The following ELAPOR1 variants were observed in gnomAD, a reference collection of about 807,000 sequenced individuals.
ELAPOR1 encodes endosome/lysosome-associated apoptosis and autophagy regulator 1.
A neutral mutation model predicts 119.7 loss-of-function variants in ELAPOR1; 77 were observed. The observed-to-expected ratio is 0.64, with a 90% CI of 0.54 to 0.78. The LOEUF (loss-of-function observed/expected upper bound fraction) is 0.78, where lower values mean the gene tolerates loss of function less well. Among genes scored for constraint, ELAPOR1 ranks in the 30% least tolerant of loss-of-function variants. ELAPOR1 has a pLI of 0.00. For synonymous variants in ELAPOR1, 481 were observed against 487.2 expected (o/e 0.99, Z 0.17); for missense variants, 1,115 against 1,270.4 (o/e 0.88, Z 1.86).
intron 18 of ELAPOR1, among the ~76,000 whole-genome samples, chr1:109,199,118 T>G (rs1385287580): frequency 2.6e-5 from 4 of 152,188 alleles, no homozygotes; most frequent in African/African-American, 9.7e-5. Context: ...CTCTGGCTAT[T>G]ATGAGGATTA....
intron 21 of ELAPOR1, chr1:109,201,455 T>A (rs746090869): frequency 1.6e-5 from 7 of 431,868 alleles, no homozygotes; most frequent in African/African-American, 1.4e-4. Flanking sequence ...CAGACAATAC[T>A]GTCACTGGGT....
At chr1:109,132,174 A>G (rs542739947) in intron 1 of ELAPOR1, among the ~76,000 whole-genome samples, 1 of 152,058 alleles carries the variant, frequency 6.6e-6, no homozygotes, top group Non-Finnish European at 1.5e-5. Context: ...TTGAGACTGA[A>G]TCTTGCTCTG....
chr1:109,132,047 G>C (rs890027993), intron 1 of ELAPOR1, among the ~76,000 whole-genome samples: 4 of 152,188 alleles, frequency 2.6e-5, no homozygotes, highest in African/African-American at 2.4e-5. Context: ...GGAGTGATAT[G>C]CTTAGATACT....
At chr1:109,160,077 T>G (rs72701022) in intron 1 of ELAPOR1, among the ~76,000 whole-genome samples, 6,057 of 152,276 alleles carry the variant, frequency 0.04, 190 homozygotes, top group Non-Finnish European at 0.063. Flanking sequence ...ATTCCCATCC[T>G]GATGTTCTTT....
At chr1:109,128,711 C>T (rs1648953490) in intron 1 of ELAPOR1, among the ~76,000 whole-genome samples, 1 of 152,194 alleles carries the variant, frequency 6.6e-6, no homozygotes, top group South Asian at 2.1e-4. Flanking sequence ...AGTTGTTAAG[C>T]AGTTGTTGAA....
chr1:109,194,710 C>CTG, intron 15 of ELAPOR1, 116 bp downstream of exon 15: 1 of 881,620 alleles, frequency 1.1e-6, no homozygotes. Context: ...GGTTGAGGAG[C>CTG]TTCAAAGGTT....
chr1:109,139,907 G>A (rs969834634), intron 1 of ELAPOR1, among the ~76,000 whole-genome samples: 1 of 151,998 alleles, frequency 6.6e-6, no homozygotes, highest in Non-Finnish European at 1.5e-5. Flanking sequence ...AAGTAGCTGG[G>A]ACCACAGGTG....
chr1:109,153,527 T>G (rs1650663508), intron 1 of ELAPOR1, among the ~76,000 whole-genome samples: 1 of 152,196 alleles, frequency 6.6e-6, no homozygotes, highest in Admixed American at 6.5e-5. Context: ...TTCATTTGCA[T>G]GTGTACATGC....
intron 7 of ELAPOR1, among the ~76,000 whole-genome samples, chr1:109,178,042 T>C (rs939216410): frequency 7.1e-6 from 1 of 140,314 alleles, no homozygotes; most frequent in Admixed American, 7.5e-5. Flanking sequence ...GGAGTTTCCC[T>C]CTTGTTGCCC....
At chr1:109,183,048 A>T (rs1260425077) in intron 7 of ELAPOR1, among the ~76,000 whole-genome samples, 1 of 152,182 alleles carries the variant, frequency 6.6e-6, no homozygotes, top group Non-Finnish European at 1.5e-5. Flanking sequence ...AGTTGTTTTT[A>T]TTCTGGAGGA....
chr1:109,186,078 A>G lies in ELAPOR1; in HGVS notation c.1041+945A>G, dbSNP rs543025119. On this transcript the variant is annotated intron_variant, in intron 8 of 21. Transcript: ENST00000369939. ...AATGGTAGTAAGTGGTAGGAAGGAAAAAAAAAAACCAGGATTAGGAGAGAG... is the reference window on the plus strand; with the variant it reads ...AATGGTAGTAAGTGGTAGGAAGGAAGAAAAAAAACCAGGATTAGGAGAGAG... 8.5e-5 allele frequency among the ~76,000 whole-genome samples: 13 copies of G among 152,094 alleles called. No individual in the cohort carries two copies. The South Asian group carries it at 2.7e-3, about 32-fold the overall frequency.
intron 1 of ELAPOR1, among the ~76,000 whole-genome samples, chr1:109,140,998 T>C (rs1649792163): frequency 6.6e-6 from 1 of 152,004 alleles, no homozygotes; most frequent in Non-Finnish European, 1.5e-5. Context: ...ATTACAGGCA[T>C]GCACCACCAC....
intron 8 of ELAPOR1, chr1:109,186,976 T>C (rs1042377896): frequency 1.0e-6 from 1 of 985,554 alleles, no homozygotes; most frequent in East Asian, 1.1e-4. Flanking sequence ...AGCGTGTGCT[T>C]TCAGGAGTGC....
intron 3 of ELAPOR1, among the ~76,000 whole-genome samples, chr1:109,164,936 TGAG>T (rs1484080865): frequency 1.3e-5 from 2 of 151,886 alleles, no homozygotes; most frequent in Non-Finnish European, 2.9e-5. Context: ...GTAAAAAACA[TGAG>T]GAAATAAGAG....
intron 14 of ELAPOR1, among the ~76,000 whole-genome samples, chr1:109,193,776 T>C (rs907145166): frequency 6.6e-6 from 1 of 152,238 alleles, no homozygotes; most frequent in Non-Finnish European, 1.5e-5. Flanking sequence ...GCAGCGATTC[T>C]ACAGACTCCT....
At position 109,139,740 on chromosome 1, in the gene ELAPOR1, CTGA is replaced by C. The variant is rs367968930; in HGVS notation, c.154-22151_154-22149del. Among the ~76,000 whole-genome samples, 236 of 152,250 alleles carry C rather than the reference CTGA, an allele frequency of 1.6e-3. 5 individuals are homozygous for C. The South Asian group carries it at 0.028, about 18-fold the overall frequency. On this transcript the variant is annotated intron_variant, in intron 1 of 21. Transcript: ENST00000369939. ...ATCTGTCATGGCTGCCAATTTCTATCTGATGTTATGTTTATGTGTATATTTATA... is the reference window on the plus strand; with the variant it reads ...ATCTGTCATGGCTGCCAATTTCTATCTGTTATGTTTATGTGTATATTTATA...
chr1:109,198,932 T>G (rs528360143), intron 18 of ELAPOR1, among the ~76,000 whole-genome samples: 1 of 152,338 alleles, frequency 6.6e-6, no homozygotes, highest in East Asian at 1.9e-4. Flanking sequence ...ACAGCTCGGC[T>G]GAGAGCCAGG....
At chr1:109,195,712 A>G (rs1052708167) in intron 15 of ELAPOR1, among the ~76,000 whole-genome samples, 1 of 152,252 alleles carries the variant, frequency 6.6e-6, no homozygotes, top group Non-Finnish European at 1.5e-5. Flanking sequence ...GAAATGCTTT[A>G]TAAGGAAAGA....
intron 8 of ELAPOR1, chr1:109,186,898 G>A (rs1331039306): frequency 1.0e-6 from 1 of 985,388 alleles, no homozygotes; most frequent in African/African-American, 1.7e-5. Context: ...TTAGATGCTG[G>A]GTCAGACCAA....
Sources: allele counts gnomAD v4.1 joint callset (sites outside exome capture counted in the v4.1 genomes callset), GRCh38; gene constraint gnomAD v4.1.1; transcripts MANE v1.5; gene names NCBI Gene and HGNC (gene_info 2026-07-23, HGNC 2026-07-21).